Variants in ASAP1 observed in about 807,000 individuals in gnomAD.
The protein encoded by ASAP1 is arf-GAP with SH3 domain, ANK repeat and PH domain-containing protein 1.
ASAP1 carries 43 observed loss-of-function variants against 145.2 expected under a neutral mutation model. The ratio of observed to expected loss-of-function variants is 0.30; its 90% CI spans 0.23 to 0.38. The LOEUF (loss-of-function observed/expected upper bound fraction) is 0.38. ASAP1 is among the 10% of genes least tolerant of loss of function. The pLI is 1.00. For synonymous variants in ASAP1, 546 were observed against 515.5 expected, an observed-to-expected ratio of 1.06 and a Z score of -0.80; for missense variants, 1,018 against 1,355.3, an observed-to-expected ratio of 0.75 and a Z score of 3.91.
At chr8:130,398,279 T>A (rs1414661519) in intron 2 of ASAP1, among the ~76,000 whole-genome samples, 1 of 152,166 alleles carries the variant, frequency 6.6e-6, no homozygotes, top group Non-Finnish European at 1.5e-5. Flanking sequence ...CAAGTCGCTA[T>A]CCCCTACCCA....
intron 1 of ASAP1, among the ~76,000 whole-genome samples, chr8:130,417,087 T>C (rs763949386): frequency 1.3e-5 from 2 of 152,046 alleles, no homozygotes; most frequent in African/African-American, 2.4e-5. Context: ...GTGCAACCCA[T>C]GTACAACTGC....
chr8:130,332,312 T>C (rs1824744219), intron 3 of ASAP1, among the ~76,000 whole-genome samples: 1 of 152,200 alleles, frequency 6.6e-6, no homozygotes, highest in African/African-American at 2.4e-5. Context: ...TCTGTCTTTT[T>C]TCCTGCTGAA....
chr8:130,225,988 C>T (rs978638534), intron 4 of ASAP1, among the ~76,000 whole-genome samples: 1 of 151,938 alleles, frequency 6.6e-6, no homozygotes, highest in Non-Finnish European at 1.5e-5. Context: ...AGTGATATTC[C>T]CACTTCAGTC....
chr8:130,143,628 C>T (rs765304068), intron 13 of ASAP1, among the ~76,000 whole-genome samples: 1 of 152,116 alleles, frequency 6.6e-6, no homozygotes, highest in Non-Finnish European at 1.5e-5. Flanking sequence ...ATGAAGATAT[C>T]CCTCTGACAT....
intron 3 of ASAP1, among the ~76,000 whole-genome samples, chr8:130,296,467 G>A (rs140539959): frequency 2.0e-5 from 3 of 152,128 alleles, no homozygotes; most frequent in Admixed American, 2.0e-4. Flanking sequence ...TGGTAAGCAG[G>A]GGTCCCTGTG....
Position 130,138,910 on chromosome 8 carries a change from T to C in ASAP1, c.1081-1872A>G, listed in dbSNP as rs142043427. 5.6e-3 allele frequency among the ~76,000 whole-genome samples: 854 copies of C among 152,016 alleles called. 5 individuals carry two copies. Among genetic ancestry groups the C allele is most frequent in the Non-Finnish European group, 8.9e-3 (607 of 67,988 alleles). On this transcript the variant is annotated intron_variant, in intron 13 of 29. Coordinates refer to ENST00000518721, the MANE Select transcript of ASAP1 (RefSeq NM_018482.4). ...GGCCTCAGACTCCAAAATCAGAATC[T>C]GTAGCCACGAAGCAGGCTTAGCTCA...
intron 3 of ASAP1, among the ~76,000 whole-genome samples, chr8:130,336,204 T>A (rs552575041): frequency 6.6e-6 from 1 of 152,308 alleles, no homozygotes; most frequent in Admixed American, 6.5e-5. Context: ...CTCAAGGCAA[T>A]GATTCCTGCT....
intron 3 of ASAP1, among the ~76,000 whole-genome samples, chr8:130,349,481 T>C (rs1036509273): frequency 2.0e-5 from 3 of 152,228 alleles, no homozygotes; most frequent in African/African-American, 7.2e-5. Flanking sequence ...GTAAGCACTT[T>C]ACAGATACTG....
intron 28 of ASAP1, 78 bp downstream of exon 28, chr8:130,060,499 TAA>T: frequency 2.0e-6 from 3 of 1,503,450 alleles, no homozygotes; most frequent in Non-Finnish European, 2.7e-6. Context: ...TTTTCTTGTG[TAA>T]GTTGGAGCAC....
At chr8:130,130,952 C>G (rs921867442) in intron 15 of ASAP1, among the ~76,000 whole-genome samples, 1 of 151,970 alleles carries the variant, frequency 6.6e-6, no homozygotes, top group Non-Finnish European at 1.5e-5. Context: ...GTCAGGAGAT[C>G]GAGACCATCC....
chr8:130,130,737 G>C (rs2097581654), intron 15 of ASAP1, among the ~76,000 whole-genome samples: 1 of 152,170 alleles, frequency 6.6e-6, no homozygotes, highest in Admixed American at 6.5e-5. Flanking sequence ...ACTGAAGCCA[G>C]ATGATCTGCC....
rs146886116 is a variant in ASAP1, at chr8:130,116,694, G to C, written c.2048C>G (p.Thr683Ser). 163 of 1,613,916 alleles carry C rather than the reference G, an allele frequency of 1.0e-4. No individual in the cohort carries two copies. The highest frequency in any genetic ancestry group is 2.2e-4 in the Admixed American group (13 of 59,988). ...ALDIAKRLKA[T>S]QCEDLLSQAK... ...TTTGCTTACCAGATCTTCACACTGGGTAGCTTTTAGTCTCTTTGCTATGTC... is the reference window on the plus strand; with the variant it reads ...TTTGCTTACCAGATCTTCACACTGGCTAGCTTTTAGTCTCTTTGCTATGTC... Residue 683 changes from threonine (T) to serine (S), a missense_variant, in exon 22 of 30, where the codon ACC becomes AGC. By Grantham distance (58) the Thr-to-Ser change is moderately conservative (BLOSUM62 1). Coordinates refer to ENST00000518721, the MANE Select transcript of ASAP1 (RefSeq NM_018482.4).
intron 22 of ASAP1, among the ~76,000 whole-genome samples, chr8:130,116,313 C>T (rs2097555891): frequency 6.6e-6 from 1 of 152,150 alleles, no homozygotes; most frequent in Non-Finnish European, 1.5e-5. Context: ...TTTTGAAGAC[C>T]ACTACTCTCT....
At chr8:130,151,248 G>A (rs1227658006) in intron 13 of ASAP1, among the ~76,000 whole-genome samples, 6 of 151,632 alleles carry the variant, frequency 4.0e-5, no homozygotes, top group Non-Finnish European at 7.4e-5. Flanking sequence ...GTGGGCGCCT[G>A]TAGTCCCAGC....
intron 11 of ASAP1, among the ~76,000 whole-genome samples, chr8:130,161,016 G>A (rs567205923): frequency 6.6e-6 from 1 of 152,250 alleles, no homozygotes; most frequent in Admixed American, 6.5e-5. Context: ...TTTATTTCAG[G>A]TCATATGGCG....
intron 29 of ASAP1, among the ~76,000 whole-genome samples, chr8:130,055,792 G>A (rs1278839462): frequency 2.0e-5 from 3 of 152,174 alleles, no homozygotes; most frequent in Admixed American, 6.5e-5. Context: ...ATGCCAAATC[G>A]ATAGAGAGGA....
chr8:130,064,503 C>A (rs886139324), intron 27 of ASAP1, among the ~76,000 whole-genome samples: 2 of 152,068 alleles, frequency 1.3e-5, no homozygotes, highest in African/African-American at 2.4e-5. Context: ...AGTAGAGAAG[C>A]CTGTCAGACA....
intron 12 of ASAP1, 60 bp from the exon 13 acceptor site, chr8:130,152,865 G>A (rs990353182): frequency 2.1e-5 from 24 of 1,144,706 alleles, no homozygotes; most frequent in Non-Finnish European, 2.6e-5. Flanking sequence ...GACATGCGAC[G>A]ATACAGTATG....
At chr8:130,283,565 G>A (rs1429320115) in intron 3 of ASAP1, among the ~76,000 whole-genome samples, 2 of 108,682 alleles carry the variant, frequency 1.8e-5, no homozygotes, top group East Asian at 2.9e-4. Flanking sequence ...CCTGGTGACA[G>A]AACAAGACTC....
Sources: gnomAD v4.1 joint callset for allele counts (sites outside exome capture counted in the v4.1 genomes callset) on GRCh38, gnomAD v4.1.1 for gene constraint, MANE v1.5 for transcripts, NCBI Gene and HGNC (gene_info 2026-07-23, HGNC 2026-07-21) for gene names.